Variants in TFAP2A observed in about 807,000 individuals in gnomAD.
TFAP2A encodes transcription factor AP-2-alpha.
Under a neutral mutation model 41.5 loss-of-function variants are expected in TFAP2A, and 7 were observed. That is an observed-to-expected ratio of 0.17 (90% CI 0.10 to 0.32). The LOEUF (loss-of-function observed/expected upper bound fraction) is 0.32. TFAP2A is among the 10% of genes least tolerant of loss of function. The probability of loss-of-function intolerance (pLI) is 1.00; values close to 1 mark genes in which losing one functional copy is unlikely to be tolerated. For synonymous variants in TFAP2A, 247 were observed against 242.8 expected, an observed-to-expected ratio of 1.02 and a Z score of -0.16; for missense variants, 416 against 563.3, an observed-to-expected ratio of 0.74 and a Z score of 2.65.
Position 10,397,894 on chromosome 6 carries a change from A to C in TFAP2A, c.*523T>G. 1.0e-6 allele frequency: 1 copy of C among 988,472 alleles called. No homozygotes were observed. The highest frequency in any genetic ancestry group is 1.2e-6 in the Non-Finnish European group (1 of 832,902). 61.2% of individuals were successfully genotyped at this position (988,472 alleles called of 1,614,324 possible). On this transcript the variant is annotated 3_prime_UTR_variant, in exon 7 of 7. Transcript: ENST00000379613. Reference sequence around the variant, plus strand: ...AAGTTTATTCACAATACTGATAAAAATGTTGTCATCATCTTTTGGCTTTTT... The same window carrying C: ...AAGTTTATTCACAATACTGATAAAACTGTTGTCATCATCTTTTGGCTTTTT...
chr6:10,398,062 T>G lies in TFAP2A; in HGVS notation c.*355A>C. On this transcript the variant is annotated 3_prime_UTR_variant, in exon 7 of 7. Transcript: ENST00000379613. This position sits in a 1 kb window ranked among gnomAD's most constrained non-coding sequence, Gnocchi z 5.3. ...TTAATTTTTGTTGTTGTTGTTGCTG[T>G]TGTTGATTTGTTGTTTTGTTTAAAA... 1 of 1,134,218 alleles carries G rather than the reference T, an allele frequency of 8.8e-7. No homozygotes were observed. Among genetic ancestry groups the G allele is most frequent in the East Asian group, 5.6e-5 (1 of 17,870 alleles). The allele number at this position is 1,134,218 out of a possible 1,614,324, so 70.3% of individuals were successfully genotyped here. A position where few individuals can be genotyped will look rare whatever the true frequency, so the allele number is the denominator to read the frequency against.
chr6:10,413,312 T>A (rs1025820585), intron 1 of TFAP2A, among the ~76,000 whole-genome samples: 1 of 152,148 alleles, frequency 6.6e-6, no homozygotes, highest in Non-Finnish European at 1.5e-5. Flanking sequence ...CATTCACACT[T>A]GCCCCCACAG....
upstream of TFAP2A, chr6:10,416,012 T>G (rs1015134534): frequency 6.6e-6 from 1 of 152,228 alleles, no homozygotes; most frequent in Non-Finnish European, 1.5e-5. Flanking sequence ...AAATTGGTGT[T>G]CAGGCTAAGG....
At chr6:10,416,078 C>G (rs1758230765), upstream of TFAP2A, 1 of 152,214 alleles carries the variant, frequency 6.6e-6, no homozygotes, top group Non-Finnish European at 1.5e-5. Context: ...TGCACACCCG[C>G]TTCTGAAGTT....
At chr6:10,412,110 C>A (rs1434586022) in intron 1 of TFAP2A, 3 of 994,210 alleles carry the variant, frequency 3.0e-6, no homozygotes, top group Non-Finnish European at 3.6e-6. Flanking sequence ...AGAGGCAACT[C>A]GCGCCGGAGC....
chr6:10,409,961 G>A lies in TFAP2A; in HGVS notation c.426C>T (p.Leu142=), dbSNP rs369051842. 1,524 of 1,575,718 alleles carry A rather than the reference G, an allele frequency of 9.7e-4. 1 individual carries two copies. The highest frequency in any genetic ancestry group is 1.2e-3 in the Non-Finnish European group (1,427 of 1,160,722). ...TCGAGAGGTCTCCGAGTCCTGAGCTGAGCGCGTGTGGGCCGTGCAGGAGGT... is the reference window on the plus strand; with the variant it reads ...TCGAGAGGTCTCCGAGTCCTGAGCTAAGCGCGTGTGGGCCGTGCAGGAGGT... The part of the protein sequence containing the change: ...HEDLLHGPHA[L]SSGLGDLSIH... The change falls in exon 2 of 7, where the codon CTC becomes CTT. Residue 142 remains leucine (L), a synonymous_variant. Transcript: ENST00000379613.
In TFAP2A at chr6:10,407,010, T is replaced by C; in HGVS notation, c.487-166A>G. On this transcript the variant is annotated intron_variant, in intron 2 of 6. Coordinates refer to ENST00000379613, the MANE Select transcript of TFAP2A (RefSeq NM_001372066.1). ...ATCTTGGCTTATTGGAATTTGGGGC[T>C]TTGCAACTCAAGAGGTTTCACTGCA... 6 of 667,776 alleles carry C rather than the reference T, an allele frequency of 9.0e-6. No homozygotes were observed. In the South Asian group the frequency reaches 1.0e-4, roughly 11 times the overall value. 41.4% of individuals were successfully genotyped at this position (667,776 alleles called of 1,614,324 possible). A position where few individuals can be genotyped will look rare whatever the true frequency, so the allele number is the denominator to read the frequency against.
At chr6:10,404,999 C>T in intron 3 of TFAP2A, 1 of 567,228 alleles carries the variant, frequency 1.8e-6, no homozygotes, top group East Asian at 2.9e-5. Flanking sequence ...TGACCCTTTC[C>T]CCTTCGCCGT....
At chr6:10,415,354 A>G, upstream of TFAP2A, 2 of 1,116,032 alleles carry the variant, frequency 1.8e-6, no homozygotes, top group Non-Finnish European at 2.3e-6. Context: ...CCAGTACCAC[A>G]ATCTGCCGCC....
intron 4 of TFAP2A, among the ~76,000 whole-genome samples, chr6:10,404,167 G>C (rs1450168720): frequency 1.3e-5 from 2 of 152,368 alleles, no homozygotes; most frequent in East Asian, 3.9e-4. Flanking sequence ...GCGCCCCGCG[G>C]CTGCAGTGGC....
intron 1 of TFAP2A, 101 bp downstream of exon 1, chr6:10,414,840 C>T (rs1211670280): frequency 1.3e-6 from 2 of 1,521,970 alleles, no homozygotes; most frequent in Middle Eastern, 1.7e-4. Flanking sequence ...AAGTTTGTCC[C>T]ACCCGCGTTT....
At position 10,414,937 on chromosome 6, in the gene TFAP2A, T is replaced by G. The variant is rs1758180371; in HGVS notation, c.51+4A>C. 6.2e-7 allele frequency: 1 copy of G among 1,613,976 alleles called. No homozygotes were observed. The highest frequency in any genetic ancestry group is 2.2e-5 in the East Asian group (1 of 44,864). ...ACGGATGATCGAGCCGGCGTCGCGC[T>G]TACCTCGCAGTCCTCGTACTTGATA... On this transcript the variant is annotated splice_donor_region_variant and intron_variant, in intron 1 of 6. Coordinates refer to ENST00000379613, the MANE Select transcript of TFAP2A (RefSeq NM_001372066.1).
rs3734391 is a variant in TFAP2A at position 10,398,474 on chromosome 6, G to A, written c.1263C>T (p.Asn421=). The change falls in exon 7 of 7, where the codon AAC becomes AAT. Residue 421 remains asparagine (N), a synonymous_variant. Transcript: ENST00000379613. This position sits in a 1 kb window ranked among gnomAD's most constrained non-coding sequence, Gnocchi z 5.3. ...MDKMYLSNNP[N]SHTDNNAKSS... Reference sequence around the variant, plus strand: ...TTTTGGCGTTGTTGTCCGTGTGGCTGTTGGGGTTGTTGCTGAGGTACATTT... The same window carrying A: ...TTTTGGCGTTGTTGTCCGTGTGGCTATTGGGGTTGTTGCTGAGGTACATTT... 0.13 allele frequency: 210,227 copies of A among 1,614,124 alleles called. 14,464 individuals carry two copies. The highest frequency in any genetic ancestry group is 0.18 in the Middle Eastern group (1,067 of 6,062).
chr6:10,411,681 C>A (rs1757977510), intron 1 of TFAP2A: 1 of 1,605,038 alleles, frequency 6.2e-7, no homozygotes, highest in African/African-American at 1.3e-5. Flanking sequence ...CCGAGCGCGC[C>A]CCACACAAAA....
chr6:10,409,527 T>A, intron 2 of TFAP2A: 1 of 266,706 alleles, frequency 3.7e-6, no homozygotes. Context: ...TTTAACATCA[T>A]TCCCAGGACA....
chr6:10,414,335 A>G (rs903107962), intron 1 of TFAP2A, among the ~76,000 whole-genome samples: 1 of 152,340 alleles, frequency 6.6e-6, no homozygotes, highest in African/African-American at 2.4e-5. Context: ...CGAGCCCCGC[A>G]GCTGGGATCA....
At chr6:10,404,095 C>A (rs1220017966) in intron 4 of TFAP2A, among the ~76,000 whole-genome samples, 1 of 152,222 alleles carries the variant, frequency 6.6e-6, no homozygotes, top group Non-Finnish European at 1.5e-5. Context: ...AAGCGAGGAG[C>A]CTGAGAGGAA....
chr6:10,409,999 T>G lies in TFAP2A; in HGVS notation c.388A>C (p.Arg130=), dbSNP rs1757884757. Residue 130 remains arginine (R), a synonymous_variant, in exon 2 of 7, where the codon AGG becomes CGG. Transcript: ENST00000379613. Reference sequence around the variant, plus strand: ...CCGTGCAGGAGGTCCTCGTGCCGCCTGTAGTCCCTGCGAGGATCCAGGCCC... The same window carrying G: ...CCGTGCAGGAGGTCCTCGTGCCGCCGGTAGTCCCTGCGAGGATCCAGGCCC... ...LSGLDPRRDY[R]RHEDLLHGPH... is the part of the protein sequence containing the mutation. 1.9e-6 allele frequency: 3 copies of G among 1,609,210 alleles called. No homozygotes were observed. Among genetic ancestry groups the G allele is most frequent in the Non-Finnish European group, 2.5e-6 (3 of 1,178,010 alleles).
At position 10,400,602 on chromosome 6, in the gene TFAP2A, G is replaced by A. The variant is rs768042148; in HGVS notation, c.890-13C>T. The A allele has an allele frequency of 6.2e-7, 1 of 1,614,084 alleles. No homozygotes were observed. Among genetic ancestry groups the A allele is most frequent in the South Asian group, 1.1e-5 (1 of 91,090 alleles). ...TGGACAGCTTCTCCTGGCAAGAGGG[G>A]AGAGGAGGGAGCCAGTGCGAGAGAA... is the stretch of plus-strand genomic sequence containing the variant. On this transcript the variant is annotated splice_polypyrimidine_tract_variant and intron_variant, in intron 5 of 6. Transcript: ENST00000379613.
Sources: allele counts gnomAD v4.1 joint callset (sites outside exome capture counted in the v4.1 genomes callset), GRCh38; gene constraint gnomAD v4.1.1; non-coding constraint Gnocchi (gnomAD v3.1); transcripts MANE v1.5; gene names NCBI Gene and HGNC (gene_info 2026-07-23, HGNC 2026-07-21).